The following MCM6 variants were observed in gnomAD, a reference collection of about 807,000 sequenced individuals.
MCM6 encodes DNA replication licensing factor MCM6.
MCM6 carries 46 observed loss-of-function variants against 94.3 expected under a neutral mutation model. That is an observed-to-expected ratio of 0.49 (90% CI 0.39 to 0.62). The LOEUF (loss-of-function observed/expected upper bound fraction) is 0.62. Ranked by LOEUF, MCM6 falls within the 20% of genes least tolerant of loss-of-function variation. MCM6 has a pLI of 0.00. For missense variants in MCM6, 865 were observed against 1,017.9 expected (o/e 0.85, Z 2.04); for synonymous variants, 335 against 351.9 (o/e 0.95, Z 0.54).
chr2:135,862,481 T>C, intron 8 of MCM6, 126 bp downstream of exon 8: 1 of 1,056,844 alleles, frequency 9.5e-7, no homozygotes, highest in African/African-American at 1.6e-5. Flanking sequence ...CTATGAGAAT[T>C]ATATATTCAA....
At chr2:135,874,640 T>A (rs1680263999) in intron 1 of MCM6, among the ~76,000 whole-genome samples, 1 of 152,192 alleles carries the variant, frequency 6.6e-6, no homozygotes, top group Non-Finnish European at 1.5e-5. Flanking sequence ...ATCTGAAAAT[T>A]TAAAATATGA....
Position 135,856,893 on chromosome 2 carries a change from A to G in MCM6, c.1471-10T>C. 6.2e-7 allele frequency: 1 copy of G among 1,605,946 alleles called. No individual in the cohort carries two copies. Among genetic ancestry groups the G allele is most frequent in the South Asian group, 1.1e-5 (1 of 89,420 alleles). Reference sequence around the variant, plus strand: ...GGGCGTTCAGAGTAGCCTGACCACAAAAGAAAGAATCTTAACAGATTTAAA... The same window carrying G: ...GGGCGTTCAGAGTAGCCTGACCACAGAAGAAAGAATCTTAACAGATTTAAA... On this transcript the variant is annotated splice_polypyrimidine_tract_variant and intron_variant, in intron 10 of 16. Coordinates refer to ENST00000264156, the MANE Select transcript of MCM6 (RefSeq NM_005915.6).
chr2:135,872,892 G>A, intron 1 of MCM6, 49 bp from the exon 2 acceptor site: 1 of 1,594,422 alleles, frequency 6.3e-7, no homozygotes. Flanking sequence ...GCAGTACAAA[G>A]AACCTGAATG....
intron 8 of MCM6, among the ~76,000 whole-genome samples, chr2:135,861,114 A>G (rs1679983389): frequency 1.3e-5 from 2 of 152,220 alleles, no homozygotes; most frequent in South Asian, 4.1e-4. Context: ...TCTAAAACTC[A>G]GTCTGTGATA....
Sources: allele counts gnomAD v4.1 joint callset (sites outside exome capture counted in the v4.1 genomes callset), GRCh38; gene constraint gnomAD v4.1.1; transcripts MANE v1.5; gene names NCBI Gene and HGNC (gene_info 2026-07-23, HGNC 2026-07-21).